The following GALNT13 variants were observed in gnomAD, a reference collection of about 807,000 sequenced individuals.
GALNT13 encodes the protein UDP-GalNAc:polypeptide N-acetylgalactosaminyltransferase 13.
GALNT13 carries 28 observed loss-of-function variants against 64.2 expected under a neutral mutation model. The observed-to-expected ratio is 0.44, with a 90% CI of 0.32 to 0.60. The LOEUF (loss-of-function observed/expected upper bound fraction) is 0.60. Ranked by LOEUF, GALNT13 falls within the 20% of genes least tolerant of loss-of-function variation. The probability of loss-of-function intolerance (pLI) is 0.05; values close to 1 mark genes in which losing one functional copy is unlikely to be tolerated. For missense variants in GALNT13, 577 were observed against 669.8 expected (o/e 0.86, Z 1.53); for synonymous variants, 214 against 224.6 (o/e 0.95, Z 0.42).
At chr2:153,082,822 TTTTA>T in the GALNT13 span, among the ~76,000 whole-genome samples, 2 of 146,490 alleles carry the variant, frequency 1.4e-5, no homozygotes, top group African/African-American at 2.5e-5. Context: ...ATAAAATATA[TTTTA>T]TTTATTTATT....
the GALNT13 span, among the ~76,000 whole-genome samples, chr2:153,078,828 T>G: frequency 2.6e-5 from 4 of 152,180 alleles, no homozygotes; most frequent in Non-Finnish European, 4.4e-5. Flanking sequence ...TGTTAAAATT[T>G]GATTTTTCTG....
At chr2:153,636,963 T>A in the GALNT13 span, among the ~76,000 whole-genome samples, 6 of 152,188 alleles carry the variant, frequency 3.9e-5, no homozygotes, top group Non-Finnish European at 2.9e-5. Context: ...AAGGTGATAG[T>A]ATGAATTACA....
chr2:154,381,152 G>T (rs973559353), intron 9 of GALNT13, among the ~76,000 whole-genome samples: 1 of 152,050 alleles, frequency 6.6e-6, no homozygotes, highest in Admixed American at 6.6e-5. Context: ...GGAAGTAGGG[G>T]TAATAGCCTT....
At chr2:153,319,709 A>C in the GALNT13 span, among the ~76,000 whole-genome samples, 2 of 152,302 alleles carry the variant, frequency 1.3e-5, no homozygotes, top group Admixed American at 1.3e-4. Flanking sequence ...TAAATTTATA[A>C]TTTTTGACAA....
chr2:153,728,821 A>T, the GALNT13 span, among the ~76,000 whole-genome samples: 3 of 152,230 alleles, frequency 2.0e-5, no homozygotes, highest in African/African-American at 7.2e-5. Flanking sequence ...CACTGATCCC[A>T]CAGAAATACA....
At chr2:154,150,692 T>C (rs962382744) in intron 4 of GALNT13, among the ~76,000 whole-genome samples, 1 of 152,244 alleles carries the variant, frequency 6.6e-6, no homozygotes, top group African/African-American at 2.4e-5. Context: ...ATCCATTTCT[T>C]CTAGATTTTC....
At chr2:153,279,150 C>A in the GALNT13 span, among the ~76,000 whole-genome samples, 1 of 152,086 alleles carries the variant, frequency 6.6e-6, no homozygotes, top group East Asian at 1.9e-4. Context: ...CTTGATTTGG[C>A]TCTCATCTTG....
chr2:153,237,556 ACC>A, the GALNT13 span, among the ~76,000 whole-genome samples: 1,864 of 152,104 alleles, frequency 0.012, 47 homozygotes, highest in African/African-American at 0.043. Context: ...TTTAGCTCCT[ACC>A]AATAATTGAG....
At chr2:153,222,028 T>G in the GALNT13 span, among the ~76,000 whole-genome samples, 2 of 152,092 alleles carry the variant, frequency 1.3e-5, no homozygotes, top group Non-Finnish European at 2.9e-5. Flanking sequence ...GAGGCGTGTT[T>G]CAGCCCTGTT....
intron 4 of GALNT13, among the ~76,000 whole-genome samples, chr2:154,175,299 TCTC>T (rs1231272990): frequency 6.6e-6 from 1 of 152,138 alleles, no homozygotes; most frequent in East Asian, 1.9e-4. Context: ...TTTCAGATGT[TCTC>T]CTGATCAATA....
chr2:153,122,550 C>A, the GALNT13 span, among the ~76,000 whole-genome samples: 1 of 152,140 alleles, frequency 6.6e-6, no homozygotes, highest in South Asian at 2.1e-4. Context: ...TTGTCCCTCA[C>A]CTACATTTTC....
chr2:153,420,501 C>CA, the GALNT13 span, among the ~76,000 whole-genome samples: 8 of 152,244 alleles, frequency 5.3e-5, no homozygotes, highest in East Asian at 1.2e-3. Flanking sequence ...TTATTTACTT[C>CA]AAGCCTTTAA....
chr2:153,973,638 A>G (rs1693887537), intron 3 of GALNT13, among the ~76,000 whole-genome samples: 2 of 151,948 alleles, frequency 1.3e-5, no homozygotes, highest in Non-Finnish European at 2.9e-5. Flanking sequence ...TGAGTTCAGA[A>G]CCTATGATTG....
the GALNT13 span, among the ~76,000 whole-genome samples, chr2:153,483,332 A>T: frequency 1.3e-5 from 2 of 152,064 alleles, no homozygotes; most frequent in Non-Finnish European, 2.9e-5. Context: ...CCAAACGTCC[A>T]TCAACAAATG....
At chr2:154,367,100 A>T (rs1278546252) in intron 9 of GALNT13, among the ~76,000 whole-genome samples, 1 of 151,610 alleles carries the variant, frequency 6.6e-6, no homozygotes, top group Non-Finnish European at 1.5e-5. Flanking sequence ...TATATAACAG[A>T]GTAAAAATAG....
At chr2:153,945,978 C>A (rs1691710904) in intron 3 of GALNT13, among the ~76,000 whole-genome samples, 1 of 152,046 alleles carries the variant, frequency 6.6e-6, no homozygotes, top group Admixed American at 6.6e-5. Flanking sequence ...ATTTTTTATG[C>A]CTTTATACTT....
the GALNT13 span, among the ~76,000 whole-genome samples, chr2:153,545,648 C>T: frequency 6.6e-6 from 1 of 152,120 alleles, no homozygotes; most frequent in Admixed American, 6.5e-5. Context: ...CCACTTGGTA[C>T]TCTGGACCCC....
the GALNT13 span, among the ~76,000 whole-genome samples, chr2:153,359,233 A>G: frequency 1.3e-5 from 2 of 152,222 alleles, no homozygotes; most frequent in African/African-American, 2.4e-5. Flanking sequence ...ATCAAAGGGT[A>G]TATGCTTTTG....
the GALNT13 span, among the ~76,000 whole-genome samples, chr2:153,442,145 T>A: frequency 6.6e-6 from 1 of 152,182 alleles, no homozygotes; most frequent in African/African-American, 2.4e-5. Context: ...TATTGAGAGT[T>A]CTTAGCATGA....
Sources: gnomAD v4.1 joint callset for allele counts (sites outside exome capture counted in the v4.1 genomes callset) on GRCh38, gnomAD v4.1.1 for gene constraint, MANE v1.5 for transcripts, NCBI Gene and HGNC (gene_info 2026-07-23, HGNC 2026-07-21) for gene names.